FREM1: variants seen among roughly 807,000 people sequenced by gnomAD.
FREM1 encodes the protein FRAS1 related extracellular matrix 1.
In FREM1, 220 loss-of-function variants were observed where a neutral mutation model predicts 210.1. The observed-to-expected ratio is 1.05, with a 90% CI of 0.94 to 1.17. The LOEUF is 1.17. Among genes scored for constraint, FREM1 ranks in the 50% most tolerant of loss-of-function variants. The probability of loss-of-function intolerance (pLI) is 0.00; values close to 1 mark genes in which losing one functional copy is unlikely to be tolerated. For synonymous variants in FREM1, 1,189 were observed against 980.2 expected, an observed-to-expected ratio of 1.21 and a Z score of -3.98; for missense variants, 3,454 against 2,675.5, an observed-to-expected ratio of 1.29 and a Z score of -6.42.
intron 1 of FREM1, among the ~76,000 whole-genome samples, chr9:14,902,545 A>C (rs185827231): frequency 1.4e-4 from 21 of 152,300 alleles, no homozygotes; most frequent in African/African-American, 3.6e-4. Context: ...CCAGTAAAGC[A>C]ATTCAGCAAC....
intron 1 of FREM1, among the ~76,000 whole-genome samples, chr9:14,874,865 G>A (rs900406163): frequency 1.3e-5 from 2 of 152,110 alleles, no homozygotes; most frequent in Middle Eastern, 3.2e-3. Context: ...CAGGCCTGGT[G>A]GTGACAAAAT....
chr9:14,741,844 T>C (rs952893638), intron 35 of FREM1, among the ~76,000 whole-genome samples: 1 of 152,230 alleles, frequency 6.6e-6, no homozygotes, highest in African/African-American at 2.4e-5. Context: ...CAAGGATATT[T>C]AACATCTTCT....
At chr9:14,860,790 C>CACACATATAT (rs1829905750) in intron 3 of FREM1, among the ~76,000 whole-genome samples, 1 of 102,918 alleles carries the variant, frequency 9.7e-6, no homozygotes, top group African/African-American at 4.4e-5. Flanking sequence ...TACATATATA[C>CACACATATAT]ATATATACAC....
intron 3 of FREM1, among the ~76,000 whole-genome samples, chr9:14,860,936 C>CATATAT (rs1830110305): frequency 4.1e-5 from 3 of 73,452 alleles, no homozygotes; most frequent in African/African-American, 2.2e-4. Context: ...TACACATATA[C>CATATAT]ACACATATAC....
chr9:14,880,559 G>A (rs865793114), intron 1 of FREM1, among the ~76,000 whole-genome samples: 27 of 148,086 alleles, frequency 1.8e-4, no homozygotes, highest in African/African-American at 2.5e-4. Flanking sequence ...GGCCGAGATC[G>A]TGCCACTGCA....
chr9:14,801,239 C>T (rs1817230257), intron 20 of FREM1, among the ~76,000 whole-genome samples: 1 of 152,172 alleles, frequency 6.6e-6, no homozygotes, highest in South Asian at 2.1e-4. Flanking sequence ...CTCAAGTGAT[C>T]CACCTGTCTT....
intron 15 of FREM1, among the ~76,000 whole-genome samples, chr9:14,815,433 C>T (rs920705683): frequency 1.3e-5 from 2 of 152,126 alleles, no homozygotes; most frequent in Non-Finnish European, 2.9e-5. Context: ...GTAATGAGTT[C>T]ATATCACAAA....
chr9:14,792,920 T>C (rs745306340), intron 21 of FREM1, 36 bp from the exon 22 acceptor site: 9 of 1,438,212 alleles, frequency 6.3e-6, no homozygotes, highest in East Asian at 2.4e-5. Flanking sequence ...GATATAAAAA[T>C]AGAAGATATT....
chr9:14,860,594 C>CATATATACACATATATACACACAT (rs1564099448), intron 3 of FREM1, among the ~76,000 whole-genome samples: 16 of 84,210 alleles, frequency 1.9e-4, no homozygotes, highest in Non-Finnish European at 3.3e-4. Flanking sequence ...CATATATATA[C>CATATATACACATATATACACACAT]ATATATACAC....
At position 14,794,333 on chromosome 9, in the gene FREM1, C is replaced by G. The variant is rs112361837; in HGVS notation, c.3840-1449G>C. ...AGGAACCACATAGATGTGATTCAAA[C>G]TGTGCTCCTAATGGACAGGAAGCTG... On this transcript the variant is annotated intron_variant, in intron 21 of 36. Transcript: ENST00000380880. Among the ~76,000 whole-genome samples, 933 of 152,274 alleles carry G rather than the reference C, an allele frequency of 6.1e-3. 4 individuals are homozygous for G. Among genetic ancestry groups the G allele is most frequent in the Middle Eastern group, 0.024 (7 of 294 alleles).
At chr9:14,804,573 G>A (rs13299295) in intron 19 of FREM1, among the ~76,000 whole-genome samples, 1 of 151,924 alleles carries the variant, frequency 6.6e-6, no homozygotes, top group Admixed American at 6.6e-5. Context: ...CGACAGAGCG[G>A]GACTCCATCT....
At chr9:14,889,939 A>G (rs908869850) in intron 1 of FREM1, among the ~76,000 whole-genome samples, 1 of 152,216 alleles carries the variant, frequency 6.6e-6, no homozygotes, top group Non-Finnish European at 1.5e-5. Flanking sequence ...GGGAAAATGT[A>G]TTAGGACAAA....
chr9:14,812,929 A>G lies in FREM1; in HGVS notation c.2776T>C (p.Leu926=), dbSNP rs904025640. The G allele has an allele frequency of 2.5e-6, 4 of 1,613,960 alleles. No individual in the cohort carries two copies. The highest frequency in any genetic ancestry group is 3.4e-6 in the Non-Finnish European group (4 of 1,179,866). ...GGTTCGCGAGCAATCACAAACATCA[A>G]CTTCAAGTTATCGCTGTCCACATCA... ...ATDVDSDNLK[L]MFVIAREPQH... is the part of the protein sequence containing the mutation. The change falls in exon 16 of 37, where the codon TTG becomes CTG. Residue 926 remains leucine, a synonymous_variant. Coordinates refer to ENST00000380880, the MANE Select transcript of FREM1 (RefSeq NM_001379081.2).
intron 3 of FREM1, 151 bp downstream of exon 3, chr9:14,863,658 G>A: frequency 1.7e-6 from 1 of 573,664 alleles, no homozygotes; most frequent in South Asian, 2.5e-5. Flanking sequence ...AATCTTGCCT[G>A]ATCCACTCAG....
At position 14,808,157 on chromosome 9, in the gene FREM1, A is replaced by T. The variant is rs558361268; in HGVS notation, c.2894-23T>A. ...CACCTGGAAGACACAACTATAGCTG[A>T]AACCTGCCTTTTAAAAAATATAGAA... On this transcript the variant is annotated intron_variant, in intron 16 of 36. Transcript: ENST00000380880. The T allele has an allele frequency of 3.3e-5, 50 of 1,493,908 alleles. No individual in the cohort carries two copies. In the South Asian group the frequency reaches 7.0e-4, roughly 21 times the overall value. 92.5% of individuals were successfully genotyped at this position (1,493,908 alleles called of 1,614,324 possible). A position where few individuals can be genotyped will look rare whatever the true frequency, so the allele number is the denominator to read the frequency against.
chr9:14,773,052 T>A (rs1365684075), intron 25 of FREM1, among the ~76,000 whole-genome samples: 1 of 152,328 alleles, frequency 6.6e-6, no homozygotes, highest in South Asian at 2.1e-4. Context: ...CAAAAGTAGA[T>A]CTTCTGGCTT....
rs746260589 is a variant in FREM1 at position 14,841,493 on chromosome 9, A to G, written c.1835T>C (p.Phe612Ser). 6.2e-7 allele frequency: 1 copy of G among 1,612,404 alleles called. No homozygotes were observed. Among genetic ancestry groups the G allele is most frequent in the Non-Finnish European group, 8.5e-7 (1 of 1,178,828 alleles). The change falls in exon 10 of 37, where the codon TTT (phenylalanine) becomes TCT (serine). Residue 612 changes from phenylalanine to serine, a missense_variant. Coordinates refer to ENST00000380880, the MANE Select transcript of FREM1 (RefSeq NM_001379081.2). ...AGGTTCATGGCTGTCCCACAGGACA[A>G]ATTGAAAAGAATCTTCAAAGATTTC... The part of the protein sequence containing the change: ...GGEIFEDSFQ[F>S]VLWDSHEPPN...
At chr9:14,792,143 G>C (rs969509622) in intron 22 of FREM1, among the ~76,000 whole-genome samples, 2 of 152,074 alleles carry the variant, frequency 1.3e-5, no homozygotes, top group African/African-American at 4.8e-5. Flanking sequence ...AGAGACATTA[G>C]GGCCAGAGGA....
chr9:14,801,639 G>C lies in FREM1; in HGVS notation c.3694+13C>G. The C allele has an allele frequency of 6.5e-7, 1 of 1,546,054 alleles. No individual in the cohort carries two copies. Among genetic ancestry groups the C allele is most frequent in the Non-Finnish European group, 8.9e-7 (1 of 1,118,544 alleles). ...CAACAATAACAAATGCATGGAAGTG[G>C]AACATGCTATACCAGTCTTGAGGAG... is the stretch of plus-strand genomic sequence containing the variant. On this transcript the variant is annotated intron_variant, in intron 20 of 36. Transcript: ENST00000380880.
Sources: allele counts gnomAD v4.1 joint callset (sites outside exome capture counted in the v4.1 genomes callset), GRCh38; gene constraint gnomAD v4.1.1; transcripts MANE v1.5; gene names NCBI Gene and HGNC (gene_info 2026-07-23, HGNC 2026-07-21).